HNRNPU: variants seen among roughly 807,000 people sequenced by gnomAD.
HNRNPU encodes heterogeneous nuclear ribonucleoprotein U.
Under a neutral mutation model 94.7 loss-of-function variants are expected in HNRNPU, and 5 were observed. That is an observed-to-expected ratio of 0.05 (90% CI 0.03 to 0.11). The LOEUF is 0.11. HNRNPU is among the 10% of genes least tolerant of loss of function. The pLI is 1.00. For missense variants in HNRNPU, 710 were observed against 1,049.2 expected, an observed-to-expected ratio of 0.68 and a Z score of 4.47; for synonymous variants, 434 against 381.6, an observed-to-expected ratio of 1.14 and a Z score of -1.60.
At position 244,853,369 on chromosome 1, in the gene HNRNPU, G is replaced by A. The variant is rs1043451485; in HGVS notation, c.*1081C>T. The A allele has an allele frequency of 1.3e-5, 2 of 152,470 alleles. No homozygotes were observed. The highest frequency in any genetic ancestry group is 2.4e-5 in the African/African-American group (1 of 41,392). The allele number at this position is 152,470 out of a possible 1,614,324, so 9.4% of individuals were successfully genotyped here. On this transcript the variant is annotated 3_prime_UTR_variant, in exon 14 of 14. Transcript: ENST00000640218. The stretch of plus-strand genomic sequence containing the variant: ...TAAAGGGATTTTGAACCTTGATGGC[G>A]AGAATCCCAAAACAAGAGTAAAATG...
At chr1:244,857,057 G>A (rs917115988) in intron 8 of HNRNPU, 9 of 448,170 alleles carry the variant, frequency 2.0e-5, no homozygotes, top group Non-Finnish European at 3.1e-5. Flanking sequence ...TTAGCTGCTA[G>A]ATGTTAAGAG....
intron 1 of HNRNPU, among the ~76,000 whole-genome samples, 197 bp downstream of exon 1, chr1:244,863,420 A>ACACGCG (rs555181156): frequency 1.4e-4 from 19 of 138,880 alleles, no homozygotes; most frequent in East Asian, 9.1e-4. Context: ...ACACACACAC[A>ACACGCG]CGCGCGCGCG....
At chr1:244,856,975 T>G (rs1680698072) in intron 8 of HNRNPU, 119 bp from the exon 9 acceptor site, 2 of 825,656 alleles carry the variant, frequency 2.4e-6, no homozygotes, top group East Asian at 2.6e-5. Flanking sequence ...AAATATTACC[T>G]TTGTCCATTA....
chr1:244,858,167 C>A lies in HNRNPU; in HGVS notation c.1338G>T (p.Pro446=), dbSNP rs752673312. 5.6e-6 allele frequency: 9 copies of A among 1,613,968 alleles called. No individual in the cohort carries two copies. The highest frequency in any genetic ancestry group is 5.5e-5 in the South Asian group (5 of 91,086). ...CTGCACAGTTGTGGCAGAGAACATG[C>A]GGGAACAGTGGCCGTCCAGCAAGAA... is the stretch of plus-strand genomic sequence containing the variant. ...KEVLAGRPLF[P]HVLCHNCAVE... is the part of the protein sequence containing the mutation. Residue 446 remains proline (P), a synonymous_variant, in exon 7 of 14, where the codon CCG becomes CCT. Transcript: ENST00000640218.
At chr1:244,863,453 G>A (rs1216607726) in intron 1 of HNRNPU, among the ~76,000 whole-genome samples, 164 bp downstream of exon 1, 1 of 149,476 alleles carries the variant, frequency 6.7e-6, no homozygotes, top group Non-Finnish European at 1.5e-5. Flanking sequence ...CCGAGCCCGA[G>A]GCCTCTCGGC....
rs769460011 is a variant in HNRNPU, at chr1:244,858,564, CTG to C, written c.1230+163_1230+164del. The C allele has an allele frequency of 4.4e-4, 272 of 616,148 alleles. 1 individual carries two copies. Among genetic ancestry groups the C allele is most frequent in the South Asian group, 6.7e-4 (33 of 49,252 alleles). 38.2% of individuals were successfully genotyped at this position (616,148 alleles called of 1,614,324 possible). ...AATTAGTGAGTTCCTCAAAAATGTC[CTG>C]TGTTTTCCCAATTCAACTGCTGAAT... On this transcript the variant is annotated intron_variant, in intron 6 of 13. Transcript: ENST00000640218.
In HNRNPU at chr1:244,858,705, CATAG is replaced by C. The variant is rs1680745252; in HGVS notation, c.1230+20_1230+23del. The C allele has an allele frequency of 1.6e-6, 2 of 1,268,378 alleles. No individual in the cohort carries two copies. Among genetic ancestry groups the C allele is most frequent in the South Asian group, 1.2e-5 (1 of 81,962 alleles). 78.6% of individuals were successfully genotyped at this position (1,268,378 alleles called of 1,614,324 possible). ...ATAGCTACTAACTTTGCCATTTATA[CATAG>C]AAAGTTAGCTTTAACTTACAGCAAA... On this transcript the variant is annotated intron_variant, in intron 6 of 13. Coordinates refer to ENST00000640218, the MANE Select transcript of HNRNPU (RefSeq NM_031844.3).
In HNRNPU at chr1:244,862,569, C is replaced by T. The variant is rs773667900; in HGVS notation, c.804-35G>A. 5.0e-6 allele frequency: 8 copies of T among 1,609,214 alleles called. No homozygotes were observed. The East Asian group carries it at 6.7e-5, about 13-fold the overall frequency. ...AGAATTGTCTCCTGATACAGCTTTC[C>T]GATCAACGAACGAATAAGGGATGAG... On this transcript the variant is annotated intron_variant, in intron 2 of 13. Transcript: ENST00000640218.
At chr1:244,854,658 A>G in intron 13 of HNRNPU, 155 bp from the exon 14 acceptor site, 1 of 619,518 alleles carries the variant, frequency 1.6e-6, no homozygotes, top group Non-Finnish European at 2.8e-6. Flanking sequence ...TTTAGTTTTA[A>G]TATCCCATAA....
chr1:244,860,141 A>T, intron 4 of HNRNPU, 194 bp downstream of exon 4: 1 of 482,282 alleles, frequency 2.1e-6, no homozygotes. Context: ...CTCTATTAAA[A>T]ATACAAAAAT....
chr1:244,861,704 T>C (rs1280546151), intron 3 of HNRNPU: 1 of 145,748 alleles, frequency 6.9e-6, no homozygotes, highest in African/African-American at 2.6e-5. Flanking sequence ...CCCAGAGTTG[T>C]ACATTCTCAT....
At chr1:244,855,240 G>T in intron 12 of HNRNPU, 184 bp downstream of exon 12, 5 of 729,630 alleles carry the variant, frequency 6.9e-6, no homozygotes, top group Non-Finnish European at 1.2e-5. Context: ...CATCTGACTT[G>T]TTTAGTACAC....
rs1680942375 is a variant in HNRNPU at position 244,864,302 on chromosome 1, A to G, written c.6T>C (p.Ser2=). The G allele has an allele frequency of 2.5e-6, 4 of 1,612,370 alleles. No homozygotes were observed. Among genetic ancestry groups the G allele is most frequent in the Non-Finnish European group, 3.4e-6 (4 of 1,179,594 alleles). ...GCTTTTTTACATTAACAGGCGAGGA[A>G]CTCATGGTGAGGGCCCCGATTCACC... is the stretch of plus-strand genomic sequence containing the variant. M[S]SSPVNVKKLK... is the part of the protein sequence containing the mutation. Residue 2 remains serine (S), a synonymous_variant, in exon 1 of 14, where the codon AGT becomes AGC. Coordinates refer to ENST00000640218, the MANE Select transcript of HNRNPU (RefSeq NM_031844.3).
chr1:244,863,016 G>C (rs1024463637), intron 1 of HNRNPU: 2 of 381,684 alleles, frequency 5.2e-6, no homozygotes, highest in African/African-American at 2.1e-5. Context: ...AGAGAGCGCA[G>C]AGAGGGGGAG....
chr1:244,864,041 C>T lies in HNRNPU; in HGVS notation c.267G>A (p.Glu89=). 3 of 1,610,288 alleles carry T rather than the reference C, an allele frequency of 1.9e-6. No individual in the cohort carries two copies. The highest frequency in any genetic ancestry group is 2.7e-5 in the African/African-American group (2 of 74,926). ...AAGGDEEEEE[E]EEEEEGISAL... ...CGGAGATTCCTTCCTCCTCCTCTTC[C>T]TCTTCCTCCTCCTCTTCATCGCCGC... The change falls in exon 1 of 14, where the codon GAG becomes GAA. Residue 89 remains glutamate (E), a synonymous_variant. Coordinates refer to ENST00000640218, the MANE Select transcript of HNRNPU (RefSeq NM_031844.3).
At chr1:244,859,542 A>C in intron 4 of HNRNPU, 168 bp from the exon 5 acceptor site, 1 of 438,108 alleles carries the variant, frequency 2.3e-6, no homozygotes, top group Non-Finnish European at 4.0e-6. Context: ...TGATGTGCTT[A>C]TAACTTGAAA....
At position 244,858,757 on chromosome 1, in the gene HNRNPU, T is replaced by A; in HGVS notation, c.1202A>T (p.Asp401Val). Residue 401 changes from aspartate (D) to valine (V), a missense_variant, in exon 6 of 14, where the codon GAT becomes GTT. Transcript: ENST00000640218. ...AAAACATGTAATCACATCATTTTCATCAAACTTTTCTCCATAATCTTCAGT... is the reference window on the plus strand; with the variant it reads ...AAAACATGTAATCACATCATTTTCAACAAACTTTTCTCCATAATCTTCAGT... ...CETEDYGEKF[D>V]ENDVITCFAN... 6.3e-7 allele frequency: 1 copy of A among 1,591,276 alleles called. No individual in the cohort carries two copies. Among genetic ancestry groups the A allele is most frequent in the Non-Finnish European group, 8.6e-7 (1 of 1,159,756 alleles).
Position 244,853,284 on chromosome 1 carries a change from G to A in HNRNPU, c.*1166C>T, listed in dbSNP as rs1374724849. 1 of 152,540 alleles carries A rather than the reference G, an allele frequency of 6.6e-6. No individual in the cohort carries two copies. The highest frequency in any genetic ancestry group is 1.5e-5 in the Non-Finnish European group (1 of 67,970). The allele number at this position is 152,540 out of a possible 1,614,324, so 9.4% of individuals were successfully genotyped here. A position where few individuals can be genotyped will look rare whatever the true frequency, so the allele number is the denominator to read the frequency against. On this transcript the variant is annotated 3_prime_UTR_variant, in exon 14 of 14. Coordinates refer to ENST00000640218, the MANE Select transcript of HNRNPU (RefSeq NM_031844.3). ...TTAAAACCTAAATGTTCTATGCAGA[G>A]TAAAGAATAAGCTGTCCAGAAAGCA...
At chr1:244,854,589 G>T in intron 13 of HNRNPU, 86 bp from the exon 14 acceptor site, 1 of 914,252 alleles carries the variant, frequency 1.1e-6, no homozygotes, top group Non-Finnish European at 1.8e-6. Flanking sequence ...ATCTAATTCA[G>T]AGTAATTTGC....
Sources: gnomAD v4.1 joint callset for allele counts (sites outside exome capture counted in the v4.1 genomes callset) on GRCh38, gnomAD v4.1.1 for gene constraint, MANE v1.5 for transcripts, NCBI Gene and HGNC (gene_info 2026-07-23, HGNC 2026-07-21) for gene names.